Variants in PCDHA1 observed in about 807,000 individuals in gnomAD.
PCDHA1 encodes the protein protocadherin alpha-1.
PCDHA1 carries 42 observed loss-of-function variants against 61.3 expected under a neutral mutation model. The ratio of observed to expected loss-of-function variants is 0.69; its 90% CI spans 0.54 to 0.89. The LOEUF (loss-of-function observed/expected upper bound fraction) is 0.89. Ranked by LOEUF, PCDHA1 falls within the 40% of genes least tolerant of loss-of-function variation. The pLI is 0.00. For synonymous variants in PCDHA1, 610 were observed against 553.8 expected (o/e 1.10, Z -1.43); for missense variants, 1,256 against 1,235.3 (o/e 1.02, Z -0.25).
At chr5:140,949,117 T>C (rs1295254726) in intron 1 of PCDHA1, among the ~76,000 whole-genome samples, 2 of 151,762 alleles carry the variant, frequency 1.3e-5, no homozygotes, top group Admixed American at 6.6e-5. Context: ...CAAATATTTT[T>C]GGTTTTCCTA....
At chr5:140,850,499 G>C (rs2150486529) in intron 1 of PCDHA1, 2 of 1,598,056 alleles carry the variant, frequency 1.3e-6, no homozygotes, top group East Asian at 2.2e-5. Flanking sequence ...TGCTGGTGTC[G>C]CTGGTGGAGA....
intron 1 of PCDHA1, chr5:140,803,443 C>T (rs1554122823): frequency 1.2e-6 from 2 of 1,614,142 alleles, no homozygotes; most frequent in South Asian, 1.1e-5. Flanking sequence ...GGGAGCTGGT[C>T]ATACTCGCAG....
chr5:140,915,463 T>C (rs2077131577), intron 1 of PCDHA1, among the ~76,000 whole-genome samples: 1 of 152,184 alleles, frequency 6.6e-6, no homozygotes, highest in East Asian at 1.9e-4. Flanking sequence ...AGAAGGTTTT[T>C]ATTTGAAGGA....
chr5:140,932,687 T>A (rs1285364025), intron 1 of PCDHA1, among the ~76,000 whole-genome samples: 2 of 151,810 alleles, frequency 1.3e-5, no homozygotes, highest in Non-Finnish European at 2.9e-5. Context: ...TATATTCAAA[T>A]TAAAAAACTC....
At chr5:140,902,668 G>C (rs1385644848) in intron 1 of PCDHA1, among the ~76,000 whole-genome samples, 3 of 152,126 alleles carry the variant, frequency 2.0e-5, no homozygotes, top group African/African-American at 7.2e-5. Context: ...CACCCAAGCA[G>C]TGTACACCGT....
At chr5:140,975,896 T>C (rs1267301126) in intron 1 of PCDHA1, among the ~76,000 whole-genome samples, 1 of 152,202 alleles carries the variant, frequency 6.6e-6, no homozygotes, top group Non-Finnish European at 1.5e-5. Context: ...CATATGGAGT[T>C]TTGTGACCAT....
At position 140,978,952 on chromosome 5, in the gene PCDHA1, C is replaced by T. The variant is rs374951627; in HGVS notation, c.2398C>T (p.Arg800Ter). Residue 800 changes from arginine (R) to a stop codon, truncating the protein, a stop_gained, in exon 2 of 4, where the codon CGA (arginine) becomes TGA (stop). Coordinates refer to ENST00000504120, the MANE Select transcript of PCDHA1 (RefSeq NM_018900.4). LOFTEE classifies it high-confidence loss of function. ...EANLDLSGNP[R>*]QPNPDWRYSA... ...AACTCTCTTTGTGATTTTGCAGCCA[C>T]GACAGCCCAACCCTGACTGGCGTTA... is the stretch of plus-strand genomic sequence containing the variant. 5.0e-6 allele frequency: 8 copies of T among 1,614,018 alleles called. No individual in the cohort carries two copies. The highest frequency in any genetic ancestry group is 2.2e-5 in the South Asian group (2 of 91,070).
intron 1 of PCDHA1, chr5:140,877,600 C>G (rs1554169914): frequency 6.2e-7 from 1 of 1,613,878 alleles, no homozygotes; most frequent in Admixed American, 1.7e-5. Context: ...GGTGTCCAGC[C>G]TGCTGGTGCT....
chr5:140,871,371 G>A (rs948553844), intron 1 of PCDHA1: 1 of 1,614,202 alleles, frequency 6.2e-7, no homozygotes, highest in Non-Finnish European at 8.5e-7. Context: ...GGCGGCAGAG[G>A]GTGTGCTCTG....
At position 140,787,439 on chromosome 5, in the gene PCDHA1, G is replaced by T; in HGVS notation, c.1149G>T (p.Gly383=). Residue 383 remains glycine (G), a synonymous_variant, in exon 1 of 4, where the codon GGG becomes GGT. Transcript: ENST00000504120. ...TVSDRDSGAN[G]QVTCSLMPHV... ...CTGACCGTGACTCAGGTGCCAACGG[G>T]CAGGTGACTTGCTCCTTAATGCCCC... The T allele has an allele frequency of 6.2e-7, 1 of 1,614,216 alleles. No homozygotes were observed. The highest frequency in any genetic ancestry group is 8.5e-7 in the Non-Finnish European group (1 of 1,180,030).
intron 1 of PCDHA1, chr5:140,803,134 G>A (rs782496418): frequency 6.2e-7 from 1 of 1,613,802 alleles, no homozygotes; most frequent in South Asian, 1.1e-5. Context: ...CCGCGCCATC[G>A]CCTACTGGTG....
At chr5:140,829,840 G>A (rs1554132317) in intron 1 of PCDHA1, 3 of 1,613,938 alleles carry the variant, frequency 1.9e-6, no homozygotes, top group Non-Finnish European at 2.5e-6. Context: ...TGGTGCCGCG[G>A]TCACTGGGTG....
rs560557725 is a variant in PCDHA1, at chr5:141,005,418, G to T, written c.2543-4209G>T. Among the ~76,000 whole-genome samples, 149 of 152,250 alleles carry T rather than the reference G, an allele frequency of 9.8e-4. 1 individual carries two copies. The highest frequency in any genetic ancestry group is 3.5e-3 in the African/African-American group (145 of 41,544). On this transcript the variant is annotated intron_variant, in intron 3 of 3. Transcript: ENST00000504120. ...ACAGACTTGAAGAGTGAGGAGTCAT[G>T]CTAAGAATGGATGAGAGGCTCACGC...
rs782592420 is a variant in PCDHA1, at chr5:140,869,527, A to G, written c.2394+80843A>G. The G allele has an allele frequency of 1.2e-6, 2 of 1,614,186 alleles. No individual in the cohort carries two copies. Among genetic ancestry groups the G allele is most frequent in the African/African-American group, 2.7e-5 (2 of 75,038 alleles). On this transcript the variant is annotated intron_variant, in intron 1 of 3. Coordinates refer to ENST00000504120, the MANE Select transcript of PCDHA1 (RefSeq NM_018900.4). ...CTCGCTCAGAGAACAAAAGCTGCTG[A>G]TTGCGGAATCTAAGCAATCGGACTC...
Position 140,797,048 on chromosome 5 carries a change from A to T in PCDHA1, c.2394+8364A>T, listed in dbSNP as rs782177977. Reference sequence around the variant, plus strand: ...GCGGGCTCAGAGGCTACGCTGGTGGATGTCAACGTGTACCTGATCATCGCC... The same window carrying T: ...GCGGGCTCAGAGGCTACGCTGGTGGTTGTCAACGTGTACCTGATCATCGCC... On this transcript the variant is annotated intron_variant, in intron 1 of 3. Transcript: ENST00000504120. 2.5e-6 allele frequency: 4 copies of T among 1,613,684 alleles called. 1 individual carries two copies. In the South Asian group the frequency reaches 4.4e-5, roughly 18 times the overall value.
intron 1 of PCDHA1, chr5:140,850,516 A>G: frequency 6.3e-7 from 1 of 1,598,240 alleles, no homozygotes; most frequent in Non-Finnish European, 8.6e-7. Context: ...GAGAGCGGCC[A>G]GGCGCCAAAG....
rs1039982793 is a variant in PCDHA1 at position 140,786,757 on chromosome 5, G to C, written c.467G>C (p.Gly156Ala). 6.2e-7 allele frequency: 1 copy of C among 1,614,084 alleles called. No homozygotes were observed. Among genetic ancestry groups the C allele is most frequent in the African/African-American group, 1.3e-5 (1 of 74,918 alleles). ...CTGAATTCGCGTTTTCCGATAGAAG[G>C]AGCTGCTGATGCAGACATTGGTGCT... Reference protein sequence around the residue: ...RLLNSRFPIEGAADADIGANA... With the variant: ...RLLNSRFPIEAAADADIGANA... The change falls in exon 1 of 4, where the codon GGA (glycine) becomes GCA (alanine). Residue 156 changes from glycine (G) to alanine (A), a missense_variant. Gly to Ala is a moderately conservative substitution (Grantham distance 60). Transcript: ENST00000504120.
At chr5:140,816,373 T>C (rs2126671118) in intron 1 of PCDHA1, 4 of 152,242 alleles carry the variant, frequency 2.6e-5, no homozygotes, top group Non-Finnish European at 4.4e-5. Flanking sequence ...ATATTTTCTA[T>C]CTGCTGAAAT....
rs2150332789 is a variant in PCDHA1, at chr5:140,842,251, T to C, written c.2394+53567T>C. 6 of 1,611,822 alleles carry C rather than the reference T, an allele frequency of 3.7e-6. 1 individual carries two copies. The highest frequency in any genetic ancestry group is 5.1e-6 in the Non-Finnish European group (6 of 1,178,190). Reference sequence around the variant, plus strand: ...TAGTGATTCGGGGTAATTTGGATTTTGAACAAGAAAACTTATACAAAATCC... The same window carrying C: ...TAGTGATTCGGGGTAATTTGGATTTCGAACAAGAAAACTTATACAAAATCC... On this transcript the variant is annotated intron_variant, in intron 1 of 3. Coordinates refer to ENST00000504120, the MANE Select transcript of PCDHA1 (RefSeq NM_018900.4).
Sources: allele counts gnomAD v4.1 joint callset (sites outside exome capture counted in the v4.1 genomes callset), GRCh38; gene constraint gnomAD v4.1.1; transcripts MANE v1.5; gene names NCBI Gene and HGNC (gene_info 2026-07-23, HGNC 2026-07-21).